Variants in CCDC91 observed in about 807,000 individuals in gnomAD.
CCDC91 encodes coiled-coil domain-containing protein 91.
CCDC91 carries 48 observed loss-of-function variants against 63.2 expected under a neutral mutation model. That is an observed-to-expected ratio of 0.76 (90% CI 0.60 to 0.97). CCDC91 has a LOEUF of 0.97. Ranked by LOEUF, CCDC91 falls within the 50% of genes least tolerant of loss-of-function variation. The pLI, the probability that CCDC91 is intolerant of heterozygous loss-of-function variation, is 0.00. For synonymous variants in CCDC91, 167 were observed against 165.8 expected, an observed-to-expected ratio of 1.01 and a Z score of -0.06; for missense variants, 500 against 494.6, an observed-to-expected ratio of 1.01 and a Z score of -0.10.
chr12:28,518,445 T>A (rs1248533268), intron 12 of CCDC91, among the ~76,000 whole-genome samples: 4 of 151,612 alleles, frequency 2.6e-5, no homozygotes, highest in Non-Finnish European at 5.9e-5. Context: ...GATAATTGTG[T>A]ATTCATTCTT....
At chr12:28,531,261 T>C (rs1565531740) in intron 12 of CCDC91, among the ~76,000 whole-genome samples, 1 of 152,204 alleles carries the variant, frequency 6.6e-6, no homozygotes, top group Non-Finnish European at 1.5e-5. Flanking sequence ...CTCAGTACTT[T>C]AAATAGATCT....
At chr12:28,467,675 A>G (rs1950610533) in intron 11 of CCDC91, among the ~76,000 whole-genome samples, 1 of 152,142 alleles carries the variant, frequency 6.6e-6, no homozygotes, top group Admixed American at 6.5e-5. Context: ...TCCTCAGCAC[A>G]TAGATCATTC....
At chr12:28,257,343 T>A (rs1361520430) in intron 2 of CCDC91, 98 bp downstream of exon 2, 1 of 714,976 alleles carries the variant, frequency 1.4e-6, no homozygotes, top group Non-Finnish European at 2.4e-6. Flanking sequence ...GCATTCATGA[T>A]ATTTCCTTGA....
chr12:28,289,688 T>TC (rs1458467656), intron 3 of CCDC91, among the ~76,000 whole-genome samples: 2 of 83,404 alleles, frequency 2.4e-5, no homozygotes, highest in African/African-American at 6.6e-5. Flanking sequence ...TTCTTTTCTT[T>TC]TTTTTTTTTT....
At chr12:28,260,941 T>C (rs530029261) in intron 3 of CCDC91, among the ~76,000 whole-genome samples, 10 of 152,142 alleles carry the variant, frequency 6.6e-5, no homozygotes, top group African/African-American at 2.4e-4. Flanking sequence ...TTCCATTGTG[T>C]GGATGACAAA....
chr12:28,391,461 C>G (rs373052370), intron 8 of CCDC91, 50 bp downstream of exon 8: 2 of 1,109,098 alleles, frequency 1.8e-6, no homozygotes, highest in Non-Finnish European at 1.4e-6. Context: ...CCCTGACTCT[C>G]TCCCCTGAGA....
intron 1 of CCDC91, among the ~76,000 whole-genome samples, chr12:28,202,055 A>T (rs1390382844): frequency 6.6e-6 from 1 of 152,162 alleles, no homozygotes; most frequent in Non-Finnish European, 1.5e-5. Context: ...TCTCTAGTGA[A>T]TTTTTGAATT....
intron 1 of CCDC91, among the ~76,000 whole-genome samples, chr12:28,201,105 C>G (rs2884647): frequency 6.7e-6 from 1 of 149,276 alleles, no homozygotes; most frequent in African/African-American, 2.5e-5. Flanking sequence ...ACCTCCCGGA[C>G]GGGGCGGCTG....
At chr12:28,487,993 C>T (rs1412283417) in intron 12 of CCDC91, among the ~76,000 whole-genome samples, 1 of 151,280 alleles carries the variant, frequency 6.6e-6, no homozygotes, top group Non-Finnish European at 1.5e-5. Flanking sequence ...TTTGAAATAC[C>T]TTATGGATTA....
At chr12:28,451,519 T>C (rs1489110889) in intron 10 of CCDC91, among the ~76,000 whole-genome samples, 1 of 151,678 alleles carries the variant, frequency 6.6e-6, no homozygotes, top group Non-Finnish European at 1.5e-5. Context: ...AGAAAACTCG[T>C]ATCTGTTTTC....
At chr12:28,395,433 C>G in intron 8 of CCDC91, among the ~76,000 whole-genome samples, 1 of 152,226 alleles carries the variant, frequency 6.6e-6, no homozygotes, top group East Asian at 1.9e-4. Context: ...GGTACCCACA[C>G]TTTCCTCTGA....
intron 3 of CCDC91, among the ~76,000 whole-genome samples, chr12:28,303,539 A>C (rs890530992): frequency 2.0e-5 from 3 of 152,178 alleles, no homozygotes; most frequent in African/African-American, 7.2e-5. Context: ...AGTAACATAA[A>C]TAAATATTAA....
intron 6 of CCDC91, among the ~76,000 whole-genome samples, chr12:28,343,124 AAAG>A (rs914143795): frequency 1.3e-5 from 2 of 151,780 alleles, no homozygotes; most frequent in African/African-American, 4.8e-5. Context: ...GAAAGTAATA[AAAG>A]AAATATGTTG....
chr12:28,294,082 A>T (rs930863503), intron 3 of CCDC91, among the ~76,000 whole-genome samples: 1 of 152,152 alleles, frequency 6.6e-6, no homozygotes, highest in Non-Finnish European at 1.5e-5. Flanking sequence ...CTAGTTTGTG[A>T]AATTTTGTAC....
In CCDC91 at chr12:28,502,193, A is replaced by T. The variant is rs1937996311; in HGVS notation, c.1215+18028A>T. Among the ~76,000 whole-genome samples the T allele has an allele frequency of 2.0e-5, 3 of 151,922 alleles. No homozygotes were observed. In the South Asian group the frequency reaches 6.2e-4, roughly 31 times the overall value. On this transcript the variant is annotated intron_variant, in intron 12 of 12. Transcript: ENST00000536442. The stretch of plus-strand genomic sequence containing the variant: ...TATATCTAGAAAACCCCATTGTCTC[A>T]GCCCAAAGTCTCCTTAAGCTGATAA...
At chr12:28,299,840 T>A (rs1019373107) in intron 3 of CCDC91, among the ~76,000 whole-genome samples, 62 of 151,704 alleles carry the variant, frequency 4.1e-4, no homozygotes, top group African/African-American at 1.5e-3. Context: ...TTTTATTCCC[T>A]CAACCTTTTT....
chr12:28,444,416 A>C (rs777102240), intron 8 of CCDC91, among the ~76,000 whole-genome samples: 7 of 152,224 alleles, frequency 4.6e-5, no homozygotes, highest in Non-Finnish European at 8.8e-5. Context: ...GCTAGCCAAG[A>C]GAGATTGCAT....
chr12:28,542,491 A>G (rs1364521668), intron 12 of CCDC91, among the ~76,000 whole-genome samples: 1 of 152,056 alleles, frequency 6.6e-6, no homozygotes, highest in East Asian at 1.9e-4. Context: ...AGAATAGGAG[A>G]CAGGAACTCT....
At chr12:28,400,555 T>C (rs889736264) in intron 8 of CCDC91, among the ~76,000 whole-genome samples, 3 of 152,194 alleles carry the variant, frequency 2.0e-5, no homozygotes, top group African/African-American at 7.2e-5. Context: ...GGGTTTTTCT[T>C]TTCTGTCACA....
Sources: gnomAD v4.1 joint callset for allele counts (sites outside exome capture counted in the v4.1 genomes callset) on GRCh38, gnomAD v4.1.1 for gene constraint, MANE v1.5 for transcripts, NCBI Gene and HGNC (gene_info 2026-07-23, HGNC 2026-07-21) for gene names.